NFE2L2: variants seen among roughly 807,000 people sequenced by gnomAD.
NFE2L2 encodes NFE2 like bZIP transcription factor 2.
NFE2L2 carries 20 observed loss-of-function variants against 49.6 expected under a neutral mutation model. That is an observed-to-expected ratio of 0.40 (90% CI 0.28 to 0.59). The LOEUF is 0.59. Among genes scored for constraint, NFE2L2 ranks in the 20% least tolerant of loss-of-function variants. The pLI is 0.40. For missense variants in NFE2L2, 578 were observed against 714.2 expected (o/e 0.81, Z 2.17); for synonymous variants, 244 against 256.5 (o/e 0.95, Z 0.47).
At chr2:177,233,700 T>C in intron 2 of NFE2L2, 1 of 521,430 alleles carries the variant, frequency 1.9e-6, no homozygotes, top group Non-Finnish European at 3.4e-6. Context: ...CCCTGCTACT[T>C]GGTTCTCCTG....
intron 1 of NFE2L2, among the ~76,000 whole-genome samples, chr2:177,262,256 T>C (rs2105499048): frequency 6.6e-6 from 1 of 152,354 alleles, no homozygotes; most frequent in East Asian, 1.9e-4. Flanking sequence ...GACTTAAAAA[T>C]AATCTCATCG....
chr2:177,254,839 T>C lies in NFE2L2; in HGVS notation c.45+9693A>G, dbSNP rs143718832. On this transcript the variant is annotated intron_variant, in intron 1 of 4. Transcript: ENST00000397062. ...GTTCTGCTACCTGCAAGCAGTGTTG[T>C]CCTGGCCAAATGGCTTAACCTCTTT... Among the ~76,000 whole-genome samples, 551 of 152,362 alleles carry C rather than the reference T, an allele frequency of 3.6e-3. 4 individuals are homozygous for C. The highest frequency in any genetic ancestry group is 0.013 in the African/African-American group (527 of 41,592).
chr2:177,264,249 C>A lies in NFE2L2; in HGVS notation c.45+283G>T, dbSNP rs376049163. 6 of 370,320 alleles carry A rather than the reference C, an allele frequency of 1.6e-5. No homozygotes were observed. In the East Asian group the frequency reaches 2.6e-4, roughly 16 times the overall value. The allele number at this position is 370,320 out of a possible 1,614,324, so 22.9% of individuals were successfully genotyped here. A position where few individuals can be genotyped will look rare whatever the true frequency, so the allele number is the denominator to read the frequency against. ...TCGGGCCCGGGGACGCGGCTGGATT[C>A]TCCCCCAAGGCCCACGCGAGCGGGC... is the stretch of plus-strand genomic sequence containing the variant. On this transcript the variant is annotated intron_variant, in intron 1 of 4. Coordinates refer to ENST00000397062, the MANE Select transcript of NFE2L2 (RefSeq NM_006164.5).
chr2:177,262,308 C>T (rs1690769996), intron 1 of NFE2L2, among the ~76,000 whole-genome samples: 2 of 152,230 alleles, frequency 1.3e-5, no homozygotes, highest in Non-Finnish European at 2.9e-5. Context: ...TAGGAAAGTG[C>T]TTTATCTCTC....
At chr2:177,264,367 CGCCCTG>C in intron 1 of NFE2L2, 159 bp downstream of exon 1, 1 of 627,398 alleles carries the variant, frequency 1.6e-6, no homozygotes. Flanking sequence ...TGCCCCTCCC[CGCCCTG>C]CCCCGGCGCA....
intron 1 of NFE2L2, among the ~76,000 whole-genome samples, chr2:177,236,823 AT>A (rs1484012912): frequency 6.6e-6 from 1 of 151,770 alleles, no homozygotes; most frequent in Non-Finnish European, 1.5e-5. Context: ...GTGTATTGTT[AT>A]TTTTTCGGGT....
intron 1 of NFE2L2, among the ~76,000 whole-genome samples, chr2:177,263,111 T>C (rs2886161): frequency 0.3 from 45,785 of 152,210 alleles, 7,617 homozygotes; most frequent in East Asian, 0.52. Flanking sequence ...AAAATTCATT[T>C]ACAAAAGAAG....
chr2:177,261,426 C>G (rs569905730), intron 1 of NFE2L2, among the ~76,000 whole-genome samples: 30 of 152,250 alleles, frequency 2.0e-4, no homozygotes, highest in African/African-American at 7.2e-4. Flanking sequence ...CTCAACTTAC[C>G]CACTTTTTAA....
rs1690873123 is a variant in NFE2L2 at position 177,264,669 on chromosome 2, GGCGGCGGCGGTGGCGGCT to G, written c.-111_-94del. The G allele has an allele frequency of 1.7e-6, 2 of 1,182,460 alleles. No individual in the cohort carries two copies. Among genetic ancestry groups the G allele is most frequent in the Admixed American group, 4.4e-5 (1 of 22,982 alleles). 73.2% of individuals were successfully genotyped at this position (1,182,460 alleles called of 1,614,324 possible). A position where few individuals can be genotyped will look rare whatever the true frequency, so the allele number is the denominator to read the frequency against. On this transcript the variant is annotated 5_prime_UTR_variant, in exon 1 of 5. Coordinates refer to ENST00000397062, the MANE Select transcript of NFE2L2 (RefSeq NM_006164.5). ...CGGACAGGGCGGCTCTGGTGGCGGC[GGCGGCGGCGGTGGCGGCT>G]GCGTCGGCGGCTCCTCCGGGCTCCC...
At chr2:177,236,211 T>C (rs570263928) in intron 1 of NFE2L2, among the ~76,000 whole-genome samples, 1 of 152,350 alleles carries the variant, frequency 6.6e-6, no homozygotes, top group East Asian at 1.9e-4. Flanking sequence ...AGTCAGGCTA[T>C]TTTTATCCAA....
At chr2:177,232,649 C>G in intron 3 of NFE2L2, 66 bp from the exon 4 acceptor site, 1 of 1,507,010 alleles carries the variant, frequency 6.6e-7, no homozygotes, top group Non-Finnish European at 9.1e-7. Flanking sequence ...CTCTAAGGCA[C>G]CACTACAAAA....
intron 1 of NFE2L2, among the ~76,000 whole-genome samples, chr2:177,251,977 G>C (rs1690356737): frequency 7.0e-6 from 1 of 143,504 alleles, no homozygotes; most frequent in African/African-American, 2.6e-5. Flanking sequence ...GTCCAGCCTG[G>C]GCGACAGAGT....
chr2:177,256,459 T>C (rs1419013362), intron 1 of NFE2L2, among the ~76,000 whole-genome samples: 6 of 134,518 alleles, frequency 4.5e-5, no homozygotes, highest in Non-Finnish European at 9.2e-5. Context: ...ACACAGACAT[T>C]GAAGGTACTA....
chr2:177,262,482 G>C (rs1690775528), intron 1 of NFE2L2, among the ~76,000 whole-genome samples: 3 of 152,076 alleles, frequency 2.0e-5, no homozygotes, highest in Admixed American at 1.3e-4. Context: ...TTTGACAAAA[G>C]GTCAAGAAAA....
intron 1 of NFE2L2, among the ~76,000 whole-genome samples, chr2:177,242,526 T>C (rs1574267919): frequency 6.6e-6 from 1 of 152,336 alleles, no homozygotes; most frequent in Non-Finnish European, 1.5e-5. Flanking sequence ...ATCTTTCCAC[T>C]AGAAAGTGGT....
intron 1 of NFE2L2, among the ~76,000 whole-genome samples, chr2:177,256,494 T>G (rs546852652): frequency 7.8e-6 from 1 of 127,702 alleles, no homozygotes; most frequent in African/African-American, 3.2e-5. Flanking sequence ...TCAGCTACAT[T>G]CTTGCAAAAA....
chr2:177,242,899 G>GT (rs536018327), intron 1 of NFE2L2, among the ~76,000 whole-genome samples: 1,594 of 143,868 alleles, frequency 0.011, 23 homozygotes, highest in South Asian at 0.069. Flanking sequence ...AGGAGGTTTT[G>GT]TTTTTTTTTT....
chr2:177,253,845 G>A (rs1690425662), intron 1 of NFE2L2, among the ~76,000 whole-genome samples: 1 of 152,218 alleles, frequency 6.6e-6, no homozygotes, highest in African/African-American at 2.4e-5. Flanking sequence ...GAGAACAAAT[G>A]TGATAATATC....
In NFE2L2 at chr2:177,230,454, T is replaced by A. The variant is rs1574255428; in HGVS notation, c.*331A>T. ...CATAGTGGTTAGTTTTGCAATAATTTCTTTTTAGCCAGATGTCATATCATC... is the reference window on the plus strand; with the variant it reads ...CATAGTGGTTAGTTTTGCAATAATTACTTTTTAGCCAGATGTCATATCATC... On this transcript the variant is annotated 3_prime_UTR_variant, in exon 5 of 5. Transcript: ENST00000397062. 4.0e-6 allele frequency: 1 copy of A among 252,676 alleles called. No individual in the cohort carries two copies. The highest frequency in any genetic ancestry group is 5.9e-5 in the East Asian group (1 of 17,026). The allele number at this position is 252,676 out of a possible 1,614,324, so 15.7% of individuals were successfully genotyped here.
Sources: gnomAD v4.1 joint callset for allele counts (sites outside exome capture counted in the v4.1 genomes callset) on GRCh38, gnomAD v4.1.1 for gene constraint, MANE v1.5 for transcripts, NCBI Gene and HGNC (gene_info 2026-07-23, HGNC 2026-07-21) for gene names.